LHFPL3: variants seen among roughly 807,000 people sequenced by gnomAD.
LHFPL3 encodes the protein LHFPL tetraspan subfamily member 3 protein.
In LHFPL3, 5 loss-of-function variants were observed where a neutral mutation model predicts 19.3. The observed-to-expected ratio is 0.26, with a 90% CI of 0.14 to 0.54. The LOEUF (loss-of-function observed/expected upper bound fraction) is 0.54. Among genes scored for constraint, LHFPL3 ranks in the 20% least tolerant of loss-of-function variants. The probability of loss-of-function intolerance (pLI) is 0.94; values close to 1 mark genes in which losing one functional copy is unlikely to be tolerated. For synonymous variants in LHFPL3, 133 were observed against 126.2 expected, an observed-to-expected ratio of 1.05 and a Z score of -0.36; for missense variants, 249 against 307.4, an observed-to-expected ratio of 0.81 and a Z score of 1.42.
chr7:104,462,334 T>C (rs1562904995), intron 1 of LHFPL3, among the ~76,000 whole-genome samples: 1 of 152,182 alleles, frequency 6.6e-6, no homozygotes, highest in Non-Finnish European at 1.5e-5. Context: ...GCTTCCAGCT[T>C]TTCCCCATTC....
At chr7:104,355,749 A>G (rs772419921) in intron 1 of LHFPL3, among the ~76,000 whole-genome samples, 6 of 152,208 alleles carry the variant, frequency 3.9e-5, no homozygotes, top group Non-Finnish European at 7.3e-5. Context: ...TAAGTGTCGC[A>G]TGTTTAAAAA....
At chr7:104,773,124 A>T (rs960056950) in intron 2 of LHFPL3, among the ~76,000 whole-genome samples, 2 of 152,286 alleles carry the variant, frequency 1.3e-5, no homozygotes, top group African/African-American at 4.8e-5. Context: ...CCTCGTTGTC[A>T]TCCACATTAG....
intron 1 of LHFPL3, among the ~76,000 whole-genome samples, chr7:104,596,744 C>G (rs1288927109): frequency 6.6e-6 from 1 of 152,218 alleles, no homozygotes; most frequent in East Asian, 1.9e-4. Context: ...TTAAGATTTA[C>G]ATTCCTCAGC....
intron 1 of LHFPL3, among the ~76,000 whole-genome samples, chr7:104,412,461 T>C (rs768971848): frequency 7.9e-5 from 12 of 151,940 alleles, no homozygotes; most frequent in Non-Finnish European, 1.3e-4. Flanking sequence ...TTATTAAAAA[T>C]ATGCCTAGAC....
chr7:104,607,755 A>G (rs1453951168), intron 1 of LHFPL3, among the ~76,000 whole-genome samples: 1 of 152,186 alleles, frequency 6.6e-6, no homozygotes, highest in Non-Finnish European at 1.5e-5. Context: ...TCATCTGACA[A>G]AGGGCTAATA....
intron 1 of LHFPL3, among the ~76,000 whole-genome samples, chr7:104,521,384 T>G (rs542540086): frequency 1.4e-4 from 22 of 152,234 alleles, no homozygotes; most frequent in Admixed American, 8.5e-4. Context: ...GGTCAATTTT[T>G]GAATAGGTGT....
chr7:104,403,875 G>A (rs1357788854), intron 1 of LHFPL3, among the ~76,000 whole-genome samples: 1 of 152,144 alleles, frequency 6.6e-6, no homozygotes, highest in Non-Finnish European at 1.5e-5. Flanking sequence ...GTTTTTGTAT[G>A]CCTCATTACC....
intron 1 of LHFPL3, among the ~76,000 whole-genome samples, chr7:104,709,485 C>T (rs1475679131): frequency 7.3e-6 from 1 of 136,978 alleles, no homozygotes; most frequent in East Asian, 2.4e-4. Flanking sequence ...ACATCTTGCA[C>T]CACCCTTAAT....
intron 1 of LHFPL3, among the ~76,000 whole-genome samples, chr7:104,610,898 C>G (rs1264896522): frequency 6.6e-6 from 1 of 152,234 alleles, no homozygotes; most frequent in African/African-American, 2.4e-5. Context: ...GCTACTCTCT[C>G]AAACACACAC....
chr7:104,430,392 A>ATACACGTATATG (rs1554393134), intron 1 of LHFPL3, among the ~76,000 whole-genome samples: 1 of 56,578 alleles, frequency 1.8e-5, no homozygotes, highest in Admixed American at 2.6e-4. Context: ...ACATATATAT[A>ATACACGTATATG]TATATATATA....
chr7:104,590,612 G>T (rs1790692262), intron 1 of LHFPL3, among the ~76,000 whole-genome samples: 2 of 152,180 alleles, frequency 1.3e-5, no homozygotes, highest in Admixed American at 1.3e-4. Flanking sequence ...GGAGAGTTCT[G>T]TAATTGTCTA....
intron 1 of LHFPL3, among the ~76,000 whole-genome samples, chr7:104,424,246 G>A (rs1245540115): frequency 6.6e-6 from 1 of 152,080 alleles, no homozygotes; most frequent in African/African-American, 2.4e-5. Context: ...TCTCTTGATA[G>A]GCACTTGCTG....
chr7:104,864,923 C>A (rs1235932738), intron 2 of LHFPL3, among the ~76,000 whole-genome samples: 1 of 152,206 alleles, frequency 6.6e-6, no homozygotes, highest in Admixed American at 6.5e-5. Flanking sequence ...TCACCAATAT[C>A]CGCTGTTCTG....
intron 2 of LHFPL3, among the ~76,000 whole-genome samples, chr7:104,810,330 CA>C (rs1790440402): frequency 6.6e-6 from 1 of 152,042 alleles, no homozygotes; most frequent in African/African-American, 2.4e-5. Context: ...GGGTGGAAAT[CA>C]AATTGAAAAA....
At chr7:104,498,367 CT>C (rs1793529383) in intron 1 of LHFPL3, among the ~76,000 whole-genome samples, 1 of 152,164 alleles carries the variant, frequency 6.6e-6, no homozygotes, top group Non-Finnish European at 1.5e-5. Context: ...TCATTTCTGC[CT>C]TTCATTCTAG....
Position 104,329,029 on chromosome 7 carries a change from T to C in LHFPL3, c.250T>C (p.Phe84Leu), listed in dbSNP as rs1801518814. Residue 84 changes from phenylalanine to leucine, a missense_variant, in exon 1 of 3, where the codon TTC (phenylalanine) becomes CTC (leucine). Physicochemically the swap from Phe to Leu is conservative, Grantham distance 22. Coordinates refer to ENST00000424859, the MANE Select transcript of LHFPL3 (RefSeq NM_199000.3). The stretch of plus-strand genomic sequence containing the variant: ...CTTCCACTACTGCATCGGCAACGGC[T>C]TCTCCCGGGAGCTGACCTGCAGGGG... ...GLFHYCIGNG[F>L]SRELTCRGSF... The C allele has an allele frequency of 6.2e-7, 1 of 1,614,028 alleles. No individual in the cohort carries two copies. Among genetic ancestry groups the C allele is most frequent in the Admixed American group, 1.7e-5 (1 of 60,034 alleles).
chr7:104,414,929 A>G (rs762531751), intron 1 of LHFPL3, among the ~76,000 whole-genome samples: 1 of 152,194 alleles, frequency 6.6e-6, no homozygotes, highest in Non-Finnish European at 1.5e-5. Context: ...GTTTGGATTT[A>G]ATGGTAGTTA....
intron 2 of LHFPL3, among the ~76,000 whole-genome samples, chr7:104,823,711 G>C (rs147048728): frequency 1.8e-3 from 278 of 152,280 alleles, no homozygotes; most frequent in African/African-American, 6.4e-3. Flanking sequence ...GAATGAGCTT[G>C]ACGGAGCCTT....
rs1018826604 is a variant in LHFPL3, at chr7:104,654,629, G to C, written c.446-82046G>C. ...ATACTACTTGCAACCTTCTGAGTGA[G>C]GTATCTGGCACCCAGAAAGCACTCC... On this transcript the variant is annotated intron_variant, in intron 1 of 2. Transcript: ENST00000424859. 2.6e-5 allele frequency among the ~76,000 whole-genome samples: 4 copies of C among 152,210 alleles called. No individual in the cohort carries two copies. The East Asian group carries it at 7.7e-4, about 29-fold the overall frequency.
Sources: gnomAD v4.1 joint callset for allele counts (sites outside exome capture counted in the v4.1 genomes callset) on GRCh38, gnomAD v4.1.1 for gene constraint, MANE v1.5 for transcripts, NCBI Gene and HGNC (gene_info 2026-07-23, HGNC 2026-07-21) for gene names.